UGT2B28: variants seen among roughly 807,000 people sequenced by gnomAD.
UGT2B28 encodes UDP-glucuronosyltransferase 2B28.
UGT2B28 carries 45 observed loss-of-function variants against 43.6 expected under a neutral mutation model. The ratio of observed to expected loss-of-function variants is 1.03; its 90% CI spans 0.81 to 1.32. UGT2B28 has a LOEUF of 1.32. UGT2B28 is among the 40% of genes most tolerant of loss of function. The pLI is 0.00. For missense variants in UGT2B28, 649 were observed against 625.5 expected (o/e 1.04, Z -0.40); for synonymous variants, 204 against 208.1 (o/e 0.98, Z 0.17).
intron 1 of UGT2B28, among the ~76,000 whole-genome samples, chr4:69,281,700 G>C (rs1304780574): frequency 1.4e-5 from 2 of 140,210 alleles, no homozygotes; most frequent in Non-Finnish European, 3.0e-5. Context: ...CTTCACAGTA[G>C]AGAGAGATAA....
intron 3 of UGT2B28, among the ~76,000 whole-genome samples, chr4:69,288,764 A>C (rs1723854673): frequency 1.4e-5 from 2 of 138,228 alleles, no homozygotes; most frequent in South Asian, 4.9e-4. Context: ...CATCCTATAC[A>C]TCTCAGTGTA....
rs144771515 is a variant in UGT2B28 at position 69,281,180 on chromosome 4, G to C, written c.680G>C (p.Cys227Ser). ...VLYFDFWFQM[C>S]DMKKWDQFYS... is the part of the protein sequence containing the mutation. ...TATTTTGACTTTTGGTTCCAAATGT[G>C]TGATATGAAGAAGTGGGATCAGTTT... The change falls in exon 1 of 6, where the codon TGT (cysteine) becomes TCT (serine). Residue 227 changes from cysteine (C) to serine (S), a missense_variant. Cys to Ser is a moderately radical substitution (Grantham distance 112). Transcript: ENST00000335568. 150 of 1,543,380 alleles carry C rather than the reference G, an allele frequency of 9.7e-5. 16 individuals are homozygous for C. The highest frequency in any genetic ancestry group is 3.5e-4 in the Middle Eastern group (2 of 5,766).
rs147283424 is a variant in UGT2B28, at chr4:69,280,887, T to C, written c.387T>C (p.Asp129=). ...FHDIFRNFCK[D]VVSNKKVMKK... The stretch of plus-strand genomic sequence containing the variant: ...ACATATTTAGAAACTTCTGTAAAGA[T>C]GTAGTTTCAAATAAGAAAGTTATGA... The change falls in exon 1 of 6, where the codon GAT becomes GAC. Residue 129 remains aspartate (D), a synonymous_variant. Coordinates refer to ENST00000335568, the MANE Select transcript of UGT2B28 (RefSeq NM_053039.2). 1.2e-4 allele frequency: 186 copies of C among 1,557,938 alleles called. 37 individuals carry two copies. In the African/African-American group the frequency reaches 2.6e-3, roughly 22 times the overall value.
chr4:69,289,598 A>G, intron 3 of UGT2B28, 67 bp from the exon 4 acceptor site: 1 of 1,364,190 alleles, frequency 7.3e-7, no homozygotes, highest in Non-Finnish European at 9.9e-7. Context: ...TACCCTTTTT[A>G]CAGTTCTAAC....
intron 2 of UGT2B28, among the ~76,000 whole-genome samples, chr4:69,285,912 G>A (rs1723761326): frequency 7.1e-6 from 1 of 141,176 alleles, no homozygotes; most frequent in South Asian, 2.3e-4. Flanking sequence ...ACAACAAAGT[G>A]ATGATGAGAG....
At position 69,288,294 on chromosome 4, in the gene UGT2B28, A is replaced by G. The variant is rs1723839002; in HGVS notation, c.1003-1371A>G. Among the ~76,000 whole-genome samples, 2 of 140,038 alleles carry G rather than the reference A, an allele frequency of 1.4e-5. 1 individual carries two copies. The highest frequency in any genetic ancestry group is 5.6e-5 in the African/African-American group (2 of 35,862). The allele number at this position is 140,038 out of a possible 152,430, so 91.9% of individuals were successfully genotyped here. On this transcript the variant is annotated intron_variant, in intron 3 of 5. Coordinates refer to ENST00000335568, the MANE Select transcript of UGT2B28 (RefSeq NM_053039.2). ...TATACGTAAAACCTTGGCAGCATTTATTTATTTCTTATAATTAGCTTATTT... is the reference window on the plus strand; with the variant it reads ...TATACGTAAAACCTTGGCAGCATTTGTTTATTTCTTATAATTAGCTTATTT...
intron 4 of UGT2B28, among the ~76,000 whole-genome samples, 198 bp downstream of exon 4, chr4:69,289,950 G>T (rs1417488897): frequency 7.1e-6 from 1 of 140,376 alleles, no homozygotes; most frequent in Non-Finnish European, 1.5e-5. Flanking sequence ...ATACTTTATG[G>T]TCAGAATCAG....
rs372579054 is a variant in UGT2B28 at position 69,280,926 on chromosome 4, G to C, written c.426G>C (p.Glu142Asp). ...SNKKVMKKLQESRFDIIFADA... is the reference protein window; with the variant it reads ...SNKKVMKKLQDSRFDIIFADA... ...AGAAAGTTATGAAAAAACTACAAGA[G>C]TCAAGATTTGACATCATTTTTGCAG... Residue 142 changes from glutamate to aspartate, a missense_variant, in exon 1 of 6, where the codon GAG (glutamate) becomes GAC (aspartate). Coordinates refer to ENST00000335568, the MANE Select transcript of UGT2B28 (RefSeq NM_053039.2). The C allele has an allele frequency of 8.5e-5, 133 of 1,560,054 alleles. 13 individuals are homozygous for C. Among genetic ancestry groups the C allele is most frequent in the Non-Finnish European group, 1.1e-4 (131 of 1,155,716 alleles).
rs748287308 is a variant in UGT2B28, at chr4:69,286,832, A to G, written c.951A>G (p.Thr317=). ...TGGGGTCAGTGATAAGTAACATGAC[A>G]GCAGAAAGGGCCAACGTAATTGCAA... The part of the protein sequence containing the change: ...FSLGSVISNM[T]AERANVIATA... The change falls in exon 3 of 6, where the codon ACA becomes ACG. Residue 317 remains threonine (T), a synonymous_variant. Coordinates refer to ENST00000335568, the MANE Select transcript of UGT2B28 (RefSeq NM_053039.2). 139 of 1,557,116 alleles carry G rather than the reference A, an allele frequency of 8.9e-5. 20 individuals are homozygous for G. The highest frequency in any genetic ancestry group is 3.6e-4 in the Middle Eastern group (2 of 5,542).
chr4:69,282,266 G>A (rs1723635725), intron 1 of UGT2B28, among the ~76,000 whole-genome samples: 1 of 140,004 alleles, frequency 7.1e-6, no homozygotes, highest in Admixed American at 7.2e-5. Context: ...TGAGTACACT[G>A]ACTTGACATT....
chr4:69,282,981 T>TTA (rs1723663183), intron 2 of UGT2B28, among the ~76,000 whole-genome samples: 1 of 140,374 alleles, frequency 7.1e-6, no homozygotes, highest in African/African-American at 2.8e-5. Context: ...AAAACACAAG[T>TTA]AAGTGCAGAA....
chr4:69,282,293 T>C (rs1398396345), intron 1 of UGT2B28, among the ~76,000 whole-genome samples: 1 of 139,904 alleles, frequency 7.1e-6, no homozygotes, highest in African/African-American at 2.8e-5. Flanking sequence ...GTCGCTTAAC[T>C]TCATAATTCT....
rs1439601295 is a variant in UGT2B28 at position 69,285,153 on chromosome 4, T to C, written c.871-1599T>C. On this transcript the variant is annotated intron_variant, in intron 2 of 5. Transcript: ENST00000335568. The stretch of plus-strand genomic sequence containing the variant: ...ATGGAAGTTTTTGCAGGATAAAATG[T>C]ATATACAATAAGATTGAAATTTTCT... Among the ~76,000 whole-genome samples, 4 of 139,922 alleles carry C rather than the reference T, an allele frequency of 2.9e-5. 1 individual carries two copies. Among genetic ancestry groups the C allele is most frequent in the African/African-American group, 1.1e-4 (4 of 35,862 alleles). 91.8% of individuals were successfully genotyped at this position (139,922 alleles called of 152,430 possible).
chr4:69,282,436 A>C (rs1187820840), intron 1 of UGT2B28, 78 bp from the exon 2 acceptor site: 1 of 1,425,660 alleles, frequency 7.0e-7, no homozygotes, highest in Admixed American at 2.7e-5. Context: ...TTGCCTACAT[A>C]ATTCTAACCC....
chr4:69,290,495 A>C, intron 4 of UGT2B28, 97 bp from the exon 5 acceptor site: 1 of 1,423,124 alleles, frequency 7.0e-7, no homozygotes, highest in East Asian at 2.4e-5. Context: ...AATTAGTTTA[A>C]TGTGTTATCT....
chr4:69,283,281 T>G (rs1458127089), intron 2 of UGT2B28, among the ~76,000 whole-genome samples: 1 of 139,370 alleles, frequency 7.2e-6, no homozygotes, highest in Non-Finnish European at 1.5e-5. Context: ...GGTTTTGTTT[T>G]TAGGGAATGA....
chr4:69,281,275 A>G lies in UGT2B28; in HGVS notation c.721+54A>G, dbSNP rs1386426838. ...AGATCTAACTTATTTGTGTCTTTGAAGCAGAGCTTATATAAAGCCATAAAG... is the reference window on the plus strand; with the variant it reads ...AGATCTAACTTATTTGTGTCTTTGAGGCAGAGCTTATATAAAGCCATAAAG... On this transcript the variant is annotated intron_variant, in intron 1 of 5. Coordinates refer to ENST00000335568, the MANE Select transcript of UGT2B28 (RefSeq NM_053039.2). 34 of 1,443,234 alleles carry G rather than the reference A, an allele frequency of 2.4e-5. 1 individual carries two copies. The highest frequency in any genetic ancestry group is 2.9e-5 in the Non-Finnish European group (32 of 1,103,170). The allele number at this position is 1,443,234 out of a possible 1,614,324, so 89.4% of individuals were successfully genotyped here.
rs576099427 is a variant in UGT2B28 at position 69,285,628 on chromosome 4, T to C, written c.871-1124T>C. Among the ~76,000 whole-genome samples, 9 of 141,716 alleles carry C rather than the reference T, an allele frequency of 6.4e-5. 3 individuals carry two copies. The highest frequency in any genetic ancestry group is 2.5e-4 in the African/African-American group (9 of 36,476). 93.0% of individuals were successfully genotyped at this position (141,716 alleles called of 152,430 possible). Reference sequence around the variant, plus strand: ...TTAAAAAACGCTCTGCCATACGTGGTGCACTGTTCACATTTAGACATTTTT... The same window carrying C: ...TTAAAAAACGCTCTGCCATACGTGGCGCACTGTTCACATTTAGACATTTTT... On this transcript the variant is annotated intron_variant, in intron 2 of 5. Transcript: ENST00000335568.
rs1437806192 is a variant in UGT2B28, at chr4:69,282,915, A to G, written c.870+253A>G. Among the ~76,000 whole-genome samples, 8 of 140,296 alleles carry G rather than the reference A, an allele frequency of 5.7e-5. 2 individuals carry two copies. Among genetic ancestry groups the G allele is most frequent in the Non-Finnish European group, 1.1e-4 (7 of 65,568 alleles). The allele number at this position is 140,296 out of a possible 152,430, so 92.0% of individuals were successfully genotyped here. A position where few individuals can be genotyped will look rare whatever the true frequency, so the allele number is the denominator to read the frequency against. Reference sequence around the variant, plus strand: ...GGTTGATTAAAGTCTTGATTATGCAACACCTAAGGAGGTATTTGTCATTCA... The same window carrying G: ...GGTTGATTAAAGTCTTGATTATGCAGCACCTAAGGAGGTATTTGTCATTCA... On this transcript the variant is annotated intron_variant, in intron 2 of 5. Transcript: ENST00000335568.
Sources: gnomAD v4.1 joint callset for allele counts (sites outside exome capture counted in the v4.1 genomes callset) on GRCh38, gnomAD v4.1.1 for gene constraint, MANE v1.5 for transcripts, NCBI Gene and HGNC (gene_info 2026-07-23, HGNC 2026-07-21) for gene names.